The following ENTREP2 variants were observed in gnomAD, a reference collection of about 807,000 sequenced individuals.
The protein encoded by ENTREP2 is protein ENTREP2.
chr15:29,519,679 G>A, the ENTREP2 span, among the ~76,000 whole-genome samples: 4 of 152,138 alleles, frequency 2.6e-5, no homozygotes, highest in African/African-American at 9.7e-5. Context: ...TTAAGTTTGG[G>A]GGAAGTCAAA....
chr15:29,644,978 A>T, the ENTREP2 span, among the ~76,000 whole-genome samples: 1 of 152,184 alleles, frequency 6.6e-6, no homozygotes, highest in Non-Finnish European at 1.5e-5. Flanking sequence ...GCTCTTTGGG[A>T]GGCCAAGGCA....
chr15:29,193,647 T>C, the ENTREP2 span, among the ~76,000 whole-genome samples: 5 of 152,148 alleles, frequency 3.3e-5, no homozygotes, highest in Non-Finnish European at 5.9e-5. Context: ...TTCAATAAAT[T>C]CCCTCTCACC....
At chr15:29,565,104 G>A in the ENTREP2 span, among the ~76,000 whole-genome samples, 1 of 152,086 alleles carries the variant, frequency 6.6e-6, no homozygotes, top group Non-Finnish European at 1.5e-5. Flanking sequence ...TTTCTATCTG[G>A]CAAGACATCA....
At chr15:29,407,723 A>T in the ENTREP2 span, among the ~76,000 whole-genome samples, 1 of 152,080 alleles carries the variant, frequency 6.6e-6, no homozygotes, top group Non-Finnish European at 1.5e-5. Flanking sequence ...GCTGGAGTGC[A>T]GTGGCTCGAT....
chr15:29,299,575 G>A, the ENTREP2 span, among the ~76,000 whole-genome samples: 5 of 151,988 alleles, frequency 3.3e-5, no homozygotes, highest in Non-Finnish European at 5.9e-5. Context: ...TCTTTCTCAA[G>A]TCACTTCTCA....
chr15:29,449,697 CA>C, the ENTREP2 span, among the ~76,000 whole-genome samples: 1 of 152,168 alleles, frequency 6.6e-6, no homozygotes, highest in Non-Finnish European at 1.5e-5. Context: ...AACTTGTTAA[CA>C]GAACAATGTG....
the ENTREP2 span, among the ~76,000 whole-genome samples, chr15:29,243,897 T>A: frequency 6.6e-6 from 1 of 152,226 alleles, no homozygotes; most frequent in African/African-American, 2.4e-5. Flanking sequence ...TCCCAGGTTA[T>A]ATAAACTGTT....
At chr15:29,510,834 T>G in the ENTREP2 span, among the ~76,000 whole-genome samples, 1 of 147,920 alleles carries the variant, frequency 6.8e-6, no homozygotes, top group Non-Finnish European at 1.5e-5. Flanking sequence ...ATGTGGCACA[T>G]ATACACCATG....
At chr15:29,159,909 G>A in the ENTREP2 span, among the ~76,000 whole-genome samples, 9 of 152,264 alleles carry the variant, frequency 5.9e-5, no homozygotes, top group African/African-American at 1.4e-4. Flanking sequence ...TGCCAGTACC[G>A]CGCTGTGCGC....
At chr15:29,246,392 C>CAAA in the ENTREP2 span, among the ~76,000 whole-genome samples, 1 of 90,696 alleles carries the variant, frequency 1.1e-5, no homozygotes, top group Non-Finnish European at 2.2e-5. Context: ...ACCCTGTTTC[C>CAAA]AAAAAAAAAA....
chr15:29,341,253 C>T, the ENTREP2 span, among the ~76,000 whole-genome samples: 2 of 152,216 alleles, frequency 1.3e-5, no homozygotes, highest in South Asian at 4.1e-4. Flanking sequence ...ATTCATTTTT[C>T]GGTTTATTCA....
chr15:29,656,178 A>G, the ENTREP2 span, among the ~76,000 whole-genome samples: 1 of 152,148 alleles, frequency 6.6e-6, no homozygotes, highest in Admixed American at 6.6e-5. Flanking sequence ...AAAAATTGAG[A>G]GAATGCATTA....
the ENTREP2 span, among the ~76,000 whole-genome samples, chr15:29,370,764 G>C: frequency 1.6e-4 from 25 of 152,156 alleles, no homozygotes; most frequent in Non-Finnish European, 5.9e-5. Context: ...CACGGGCCTA[G>C]AGTGTGAGAG....
At chr15:29,328,515 G>A in the ENTREP2 span, among the ~76,000 whole-genome samples, 2 of 152,180 alleles carry the variant, frequency 1.3e-5, no homozygotes, top group African/African-American at 4.8e-5. Flanking sequence ...CACTGAAAGG[G>A]GTTGGGGGGA....
chr15:29,413,386 T>G, the ENTREP2 span, among the ~76,000 whole-genome samples: 1 of 152,204 alleles, frequency 6.6e-6, no homozygotes, highest in Non-Finnish European at 1.5e-5. Context: ...TACCTCCATT[T>G]TTATGTGTTT....
chr15:29,277,563 T>C, the ENTREP2 span, among the ~76,000 whole-genome samples: 1 of 152,136 alleles, frequency 6.6e-6, no homozygotes, highest in Non-Finnish European at 1.5e-5. Context: ...CTCACATCCC[T>C]ATGAGAATCT....
chr15:29,572,310 C>G, the ENTREP2 span, among the ~76,000 whole-genome samples: 1 of 152,222 alleles, frequency 6.6e-6, no homozygotes, highest in Non-Finnish European at 1.5e-5. Flanking sequence ...GACTAAGCCT[C>G]TGGCCGGCAT....
the ENTREP2 span, chr15:29,268,764 T>C: frequency 2.5e-6 from 4 of 1,574,058 alleles, no homozygotes; most frequent in Non-Finnish European, 3.4e-6. Context: ...CAGACCCTTG[T>C]CCCGGGGGTC....
At chr15:29,598,728 G>A in the ENTREP2 span, among the ~76,000 whole-genome samples, 13 of 151,652 alleles carry the variant, frequency 8.6e-5, no homozygotes, top group East Asian at 3.9e-4. Flanking sequence ...ACGGAGTCTC[G>A]CTTTGTCGCC....
Sources: gnomAD v4.1 joint callset for allele counts (sites outside exome capture counted in the v4.1 genomes callset) on GRCh38, gnomAD v4.1.1 for gene constraint, MANE v1.5 for transcripts, NCBI Gene and HGNC (gene_info 2026-07-23, HGNC 2026-07-21) for gene names.